The following PLEKHG1 variants were observed in gnomAD, a reference collection of about 807,000 sequenced individuals.
PLEKHG1 encodes the protein pleckstrin homology and RhoGEF domain containing G1.
In PLEKHG1, 44 loss-of-function variants were observed where a neutral mutation model predicts 100.8. The observed-to-expected ratio is 0.44, with a 90% CI of 0.34 to 0.56. PLEKHG1 has a LOEUF of 0.56. PLEKHG1 is among the 20% of genes least tolerant of loss of function. The probability of loss-of-function intolerance (pLI) is 0.01; values close to 1 mark genes in which losing one functional copy is unlikely to be tolerated. For synonymous variants in PLEKHG1, 640 were observed against 662.5 expected (o/e 0.97, Z 0.52); for missense variants, 1,545 against 1,720.9 (o/e 0.90, Z 1.81).
At chr6:150,689,867 A>G (rs940663357) in intron 3 of PLEKHG1, among the ~76,000 whole-genome samples, 20 of 152,168 alleles carry the variant, frequency 1.3e-4, no homozygotes, top group African/African-American at 4.3e-4. Flanking sequence ...AAAAAAAAAA[A>G]AAAAAGAAAA....
chr6:150,843,154 TTCTG>T (rs746561017), exon 16 of PLEKHG1: 2 of 152,358 alleles, frequency 1.3e-5, no homozygotes, highest in Non-Finnish European at 1.5e-5. Flanking sequence ...CATATTATTG[TTCTG>T]TCTGACTCTC....
intron 13 of PLEKHG1, among the ~76,000 whole-genome samples, chr6:150,822,150 CAAAAAAAAAAAAAAAAAAA>C (rs58672381): frequency 2.7e-5 from 1 of 36,700 alleles, no homozygotes; most frequent in Admixed American, 5.5e-4. Context: ...CCAAAGGACT[CAAAAAAAAAAAAAAAAAAA>C]AAAAAAAAAG....
chr6:150,723,346 G>T (rs1482538725), intron 1 of PLEKHG1, among the ~76,000 whole-genome samples: 1 of 152,192 alleles, frequency 6.6e-6, no homozygotes, highest in African/African-American at 2.4e-5. Flanking sequence ...TTTATACAGA[G>T]GGTTGTGGAT....
intron 1 of PLEKHG1, among the ~76,000 whole-genome samples, chr6:150,731,908 C>T (rs1782278296): frequency 6.6e-6 from 1 of 151,476 alleles, no homozygotes; most frequent in African/African-American, 2.4e-5. Context: ...TTAATTTTCA[C>T]ATGGGTCCTT....
chr6:150,715,289 G>A (rs140229479), intron 3 of PLEKHG1, among the ~76,000 whole-genome samples: 16 of 152,112 alleles, frequency 1.1e-4, no homozygotes, highest in South Asian at 2.1e-4. Flanking sequence ...GATATTTTCC[G>A]GGTTTAGAGT....
chr6:150,824,611 T>G (rs1276396045), intron 14 of PLEKHG1, among the ~76,000 whole-genome samples: 5 of 150,986 alleles, frequency 3.3e-5, no homozygotes, highest in Non-Finnish European at 5.9e-5. Context: ...AACCTCTGAC[T>G]CCCGGGTTCA....
intron 3 of PLEKHG1, among the ~76,000 whole-genome samples, chr6:150,656,890 C>CTG (rs1245530094): frequency 1.3e-5 from 2 of 152,152 alleles, no homozygotes; most frequent in African/African-American, 4.8e-5. Flanking sequence ...ATACCATTCA[C>CTG]TCTAGCTGGG....
chr6:150,722,834 T>C (rs1781769638), intron 1 of PLEKHG1, among the ~76,000 whole-genome samples: 1 of 152,220 alleles, frequency 6.6e-6, no homozygotes, highest in South Asian at 2.1e-4. Flanking sequence ...GTGCGTTCCA[T>C]ACAGATGGAG....
At chr6:150,731,429 T>C (rs994859392) in intron 1 of PLEKHG1, among the ~76,000 whole-genome samples, 4 of 152,370 alleles carry the variant, frequency 2.6e-5, no homozygotes, top group Admixed American at 1.3e-4. Flanking sequence ...TTCATAACTT[T>C]AATATTTGCA....
intron 1 of PLEKHG1, among the ~76,000 whole-genome samples, chr6:150,627,797 G>C (rs73002195): frequency 2.0e-5 from 3 of 152,200 alleles, no homozygotes; most frequent in East Asian, 3.9e-4. Flanking sequence ...ATTAGGAAAG[G>C]TTTCCATCAC....
At chr6:150,664,438 A>G (rs548716659) in intron 3 of PLEKHG1, 1 of 152,344 alleles carries the variant, frequency 6.6e-6, no homozygotes, top group South Asian at 2.1e-4. Context: ...GAAGTAGAGA[A>G]CAAATGCTGG....
At chr6:150,835,090 C>T (rs1045771026) in intron 15 of PLEKHG1, among the ~76,000 whole-genome samples, 5 of 152,130 alleles carry the variant, frequency 3.3e-5, no homozygotes, top group African/African-American at 1.2e-4. Flanking sequence ...ATTCACCTGC[C>T]GAAACTCTCG....
rs375254923 is a variant in PLEKHG1, at chr6:150,817,608, A to G, written c.1279-575A>G. ...AGTCTTGCTCTGTCGCCCAGGCTAG[A>G]GTGCAGTGGCTCAATCTCGGCTCAC... On this transcript the variant is annotated intron_variant, in intron 10 of 15. Transcript: ENST00000358517. Among the ~76,000 whole-genome samples the G allele has an allele frequency of 1.4e-4, 19 of 140,548 alleles. No individual in the cohort carries two copies. The East Asian group carries it at 2.7e-3, about 20-fold the overall frequency. The allele number at this position is 140,548 out of a possible 152,430, so 92.2% of individuals were successfully genotyped here.
chr6:150,786,444 G>T (rs202129963), exon 4 of PLEKHG1: 33 of 1,611,648 alleles, frequency 2.0e-5, no homozygotes, highest in African/African-American at 1.7e-4. Context: ...CCATAGCAGA[G>T]TGTTTTGTGT....
At chr6:150,787,719 A>C (rs1477165294) in intron 4 of PLEKHG1, among the ~76,000 whole-genome samples, 9 of 152,212 alleles carry the variant, frequency 5.9e-5, no homozygotes, top group Non-Finnish European at 1.0e-4. Context: ...GCTTCCAAAC[A>C]CAACACCCTG....
chr6:150,600,605 G>T lies in PLEKHG1; in HGVS notation c.-204+588G>T, dbSNP rs531855236. On this transcript the variant is annotated intron_variant, in intron 1 of 3. Transcript: ENST00000367326. The surrounding 1 kb of genome is among the most constrained non-coding windows in gnomAD (Gnocchi z 6.2). ...CCCGTTCTGCAGATGCGCTTTTCAG[G>T]GGGTGGGGAGTCAAGAGCCTGTGGC... Among the ~76,000 whole-genome samples, 2 of 152,330 alleles carry T rather than the reference G, an allele frequency of 1.3e-5. No individual in the cohort carries two copies. Among genetic ancestry groups the T allele is most frequent in the African/African-American group, 2.4e-5 (1 of 41,586 alleles).
intron 12 of PLEKHG1, 68 bp downstream of exon 13, chr6:150,819,842 T>G: frequency 1.1e-6 from 1 of 885,980 alleles, no homozygotes; most frequent in Non-Finnish European, 1.9e-6. Flanking sequence ...CCTTTGAGTC[T>G]GACAAAAGGG....
intron 3 of PLEKHG1, among the ~76,000 whole-genome samples, chr6:150,714,819 CT>C (rs3072718): frequency 1.4e-5 from 2 of 143,444 alleles, no homozygotes; most frequent in South Asian, 4.5e-4. Context: ...GAATTTTTTT[CT>C]TTTTTTTTGA....
At chr6:150,698,127 G>A (rs904604079) in intron 3 of PLEKHG1, among the ~76,000 whole-genome samples, 4 of 152,124 alleles carry the variant, frequency 2.6e-5, no homozygotes, top group Non-Finnish European at 4.4e-5. Flanking sequence ...TTTGGGGGAT[G>A]GGACCCAAGT....
Sources: allele counts gnomAD v4.1 joint callset (sites outside exome capture counted in the v4.1 genomes callset), GRCh38; gene constraint gnomAD v4.1.1; non-coding constraint Gnocchi (gnomAD v3.1); transcripts MANE v1.5; gene names NCBI Gene and HGNC (gene_info 2026-07-23, HGNC 2026-07-21).